CADM2: variants seen among roughly 807,000 people sequenced by gnomAD.
CADM2 encodes the protein cell adhesion molecule 2.
Under a neutral mutation model 49.8 loss-of-function variants are expected in CADM2, and 12 were observed. The observed-to-expected ratio is 0.24, with a 90% CI of 0.15 to 0.39. The LOEUF is 0.39. Among genes scored for constraint, CADM2 ranks in the 10% least tolerant of loss-of-function variants. CADM2 has a pLI of 1.00. For missense variants in CADM2, 378 were observed against 492.3 expected (o/e 0.77, Z 2.20); for synonymous variants, 214 against 175.4 (o/e 1.22, Z -1.74).
At chr3:85,426,596 A>C (rs998424464) in intron 1 of CADM2, among the ~76,000 whole-genome samples, 3 of 152,158 alleles carry the variant, frequency 2.0e-5, no homozygotes, top group Non-Finnish European at 4.4e-5. Context: ...TAGGGTATCC[A>C]TCCCCTCAAG....
chr3:86,031,915 A>G (rs1231419338), intron 8 of CADM2, among the ~76,000 whole-genome samples: 1 of 151,756 alleles, frequency 6.6e-6, no homozygotes, highest in African/African-American at 2.4e-5. Context: ...AAATTGTAAC[A>G]GAGAACTAAT....
At chr3:85,156,568 C>T (rs145735550) in intron 1 of CADM2, among the ~76,000 whole-genome samples, 1,926 of 152,306 alleles carry the variant, frequency 0.013, 33 homozygotes, top group African/African-American at 0.044. Context: ...TGGTACCATT[C>T]CTTCTGAAAC....
At chr3:85,986,152 T>C (rs1210070525) in intron 8 of CADM2, among the ~76,000 whole-genome samples, 2 of 152,036 alleles carry the variant, frequency 1.3e-5, no homozygotes, top group Non-Finnish European at 2.9e-5. Flanking sequence ...AGAAATCAAG[T>C]CTATCTTTAC....
intron 1 of CADM2, among the ~76,000 whole-genome samples, chr3:85,402,561 T>TAA (rs527420770): frequency 1.3e-5 from 2 of 151,404 alleles, no homozygotes; most frequent in Admixed American, 6.6e-5. Context: ...GCACCTAATA[T>TAA]AAAAAAAAAT....
At position 85,423,948 on chromosome 3, in the gene CADM2, C is replaced by A. The variant is rs1268526001; in HGVS notation, c.62-302574C>A. Among the ~76,000 whole-genome samples, 4 of 152,288 alleles carry A rather than the reference C, an allele frequency of 2.6e-5. No homozygotes were observed. In the East Asian group the frequency reaches 7.7e-4, roughly 29 times the overall value. On this transcript the variant is annotated intron_variant, in intron 1 of 9. Coordinates refer to ENST00000383699, the MANE Select transcript of CADM2 (RefSeq NM_001167675.2). ...TATTTCAATAAATCTATAGTACCTT[C>A]TTGAATCCTCTTTCAACCTCGTTCT...
At chr3:85,027,820 G>T (rs971701239) in intron 1 of CADM2, among the ~76,000 whole-genome samples, 1 of 152,122 alleles carries the variant, frequency 6.6e-6, no homozygotes, top group Admixed American at 6.5e-5. Flanking sequence ...TAGTTACGCA[G>T]CCTGTTAGTG....
chr3:85,510,701 CACTT>C (rs2040576283), intron 1 of CADM2, among the ~76,000 whole-genome samples: 1 of 152,032 alleles, frequency 6.6e-6, no homozygotes, highest in Non-Finnish European at 1.5e-5. Flanking sequence ...TCAGTTAACT[CACTT>C]AACTCACTGA....
intron 1 of CADM2, among the ~76,000 whole-genome samples, chr3:85,052,749 T>G (rs2035931457): frequency 1.3e-5 from 2 of 152,204 alleles, no homozygotes; most frequent in Admixed American, 1.3e-4. Flanking sequence ...ACCATTCTAC[T>G]TTTAAAACAT....
chr3:85,130,440 TCAAA>T (rs1207153577), intron 1 of CADM2, among the ~76,000 whole-genome samples: 1 of 152,208 alleles, frequency 6.6e-6, no homozygotes, highest in African/African-American at 2.4e-5. Context: ...AGTGAAATCT[TCAAA>T]CAATCTTCTT....
At chr3:86,028,405 A>G (rs1734173330) in intron 8 of CADM2, among the ~76,000 whole-genome samples, 1 of 152,132 alleles carries the variant, frequency 6.6e-6, no homozygotes, top group South Asian at 2.1e-4. Context: ...ATAAATAACA[A>G]TGGCTAACAG....
Position 85,619,708 on chromosome 3 carries a change from G to A in CADM2, c.62-106814G>A, listed in dbSNP as rs533389891. On this transcript the variant is annotated intron_variant, in intron 1 of 9. Coordinates refer to ENST00000383699, the MANE Select transcript of CADM2 (RefSeq NM_001167675.2). ...CTTGCCTCTCTCTTTTTAGAAATTT[G>A]TTATTTTATAATCAAGAGGAGACTC... Among the ~76,000 whole-genome samples, 19 of 152,194 alleles carry A rather than the reference G, an allele frequency of 1.2e-4. No individual in the cohort carries two copies. In the South Asian group the frequency reaches 3.9e-3, roughly 32 times the overall value.
rs199591280 is a variant in CADM2 at position 85,168,942 on chromosome 3, GATTT to G, written c.61+209299_61+209302del. Among the ~76,000 whole-genome samples, 14 of 151,258 alleles carry G rather than the reference GATTT, an allele frequency of 9.3e-5. No individual in the cohort carries two copies. The East Asian group carries it at 1.4e-3, about 15-fold the overall frequency. The stretch of plus-strand genomic sequence containing the variant: ...AATTTCTTTATTAATATTTAGTAAA[GATTT>G]ATTTATTTATTTATTTATTTATTTG... On this transcript the variant is annotated intron_variant, in intron 1 of 9. Transcript: ENST00000383699.
rs150034788 is a variant in CADM2 at position 85,752,219 on chromosome 3, A to G, written c.88+25671A>G. ...CCACTTTCAAAGATGAGGCCTAGCC[A>G]GCATGATGCAACCCTGCTGGGATAT... On this transcript the variant is annotated intron_variant, in intron 2 of 9. Coordinates refer to ENST00000383699, the MANE Select transcript of CADM2 (RefSeq NM_001167675.2). Among the ~76,000 whole-genome samples, 1,015 of 152,296 alleles carry G rather than the reference A, an allele frequency of 6.7e-3. 6 individuals are homozygous for G. The highest frequency in any genetic ancestry group is 0.011 in the Non-Finnish European group (776 of 68,026).
At chr3:85,504,069 T>C (rs565732140) in intron 1 of CADM2, among the ~76,000 whole-genome samples, 2 of 152,196 alleles carry the variant, frequency 1.3e-5, no homozygotes, top group Non-Finnish European at 2.9e-5. Context: ...ACTTAAAGAA[T>C]AGAAGCCGCT....
chr3:85,977,135 AATT>A (rs1404494834), intron 8 of CADM2, among the ~76,000 whole-genome samples: 14 of 151,170 alleles, frequency 9.3e-5, no homozygotes, highest in East Asian at 1.9e-4. Context: ...TAATAATAAT[AATT>A]ATTATTATTG....
chr3:85,685,074 A>G (rs894351680), intron 1 of CADM2, among the ~76,000 whole-genome samples: 1 of 152,164 alleles, frequency 6.6e-6, no homozygotes, highest in Non-Finnish European at 1.5e-5. Flanking sequence ...AACACGGTGA[A>G]ACCCCGTCTC....
chr3:85,464,691 T>C (rs2038408431), intron 1 of CADM2, among the ~76,000 whole-genome samples: 2 of 152,194 alleles, frequency 1.3e-5, no homozygotes, highest in African/African-American at 4.8e-5. Flanking sequence ...CATCACATAA[T>C]ACCAATTTTA....
chr3:85,792,419 C>T (rs2071389441), intron 2 of CADM2, among the ~76,000 whole-genome samples: 1 of 152,132 alleles, frequency 6.6e-6, no homozygotes, highest in Non-Finnish European at 1.5e-5. Flanking sequence ...AAATCTGGTT[C>T]TTCCTTCAAA....
At chr3:85,612,619 A>G (rs2063707583) in intron 1 of CADM2, among the ~76,000 whole-genome samples, 1 of 151,800 alleles carries the variant, frequency 6.6e-6, no homozygotes, top group South Asian at 2.1e-4. Flanking sequence ...CAGATGTAAG[A>G]TTTAAATACC....
Sources: gnomAD v4.1 joint callset for allele counts (sites outside exome capture counted in the v4.1 genomes callset) on GRCh38, gnomAD v4.1.1 for gene constraint, MANE v1.5 for transcripts, NCBI Gene and HGNC (gene_info 2026-07-23, HGNC 2026-07-21) for gene names.